The following NRG3 variants were observed in gnomAD, a reference collection of about 807,000 sequenced individuals.
The protein encoded by NRG3 is pro-neuregulin-3, membrane-bound isoform.
A neutral mutation model predicts 66.9 loss-of-function variants in NRG3; 31 were observed. The observed-to-expected ratio is 0.46, with a 90% CI of 0.35 to 0.63. The LOEUF (loss-of-function observed/expected upper bound fraction) is 0.63, where lower values mean the gene tolerates loss of function less well. Ranked by LOEUF, NRG3 falls within the 20% of genes least tolerant of loss-of-function variation. The pLI is 0.00. For missense variants in NRG3, 910 were observed against 878.9 expected (o/e 1.04, Z -0.45); for synonymous variants, 393 against 359.4 (o/e 1.09, Z -1.06).
At chr10:82,953,603 C>G (rs1010917827) in intron 5 of NRG3, among the ~76,000 whole-genome samples, 1 of 151,994 alleles carries the variant, frequency 6.6e-6, no homozygotes, top group Non-Finnish European at 1.5e-5. Context: ...TATATCGTGT[C>G]TCTTAGCCTT....
At chr10:82,003,969 G>A (rs76910228) in intron 1 of NRG3, among the ~76,000 whole-genome samples, 11,833 of 147,244 alleles carry the variant, frequency 0.08, 1,375 homozygotes, top group African/African-American at 0.27. Context: ...CCTGGGTGCT[G>A]TAAGGATACC....
intron 4 of NRG3, among the ~76,000 whole-genome samples, chr10:82,883,503 T>C (rs1842470820): frequency 6.6e-6 from 1 of 152,164 alleles, no homozygotes; most frequent in South Asian, 2.1e-4. Flanking sequence ...TATTCTTGTC[T>C]GTAAGACAGG....
intron 1 of NRG3, among the ~76,000 whole-genome samples, chr10:82,189,065 C>T (rs539523066): frequency 6.6e-6 from 1 of 152,128 alleles, no homozygotes; most frequent in African/African-American, 2.4e-5. Context: ...AATGAAATGG[C>T]TACTTTTGAA....
intron 1 of NRG3, among the ~76,000 whole-genome samples, chr10:82,277,221 A>G (rs1328864858): frequency 5.9e-5 from 9 of 152,082 alleles, no homozygotes; most frequent in Non-Finnish European, 1.5e-5. Context: ...TTTGGATCAT[A>G]AAATAAATGG....
At position 82,776,504 on chromosome 10, in the gene NRG3, C is replaced by T. The variant is rs1368968173; in HGVS notation, c.1027+37854C>T. 5.3e-5 allele frequency among the ~76,000 whole-genome samples: 8 copies of T among 152,088 alleles called. No homozygotes were observed. The East Asian group carries it at 1.5e-3, about 29-fold the overall frequency. ...GGGAAGTCTTTAGCTATTATTTTGT[C>T]AAATAAGCTTTATGTGCCTTTTTCC... On this transcript the variant is annotated intron_variant, in intron 3 of 8. Transcript: ENST00000372141.
At chr10:82,401,302 C>A (rs1589993007) in intron 2 of NRG3, among the ~76,000 whole-genome samples, 1 of 151,926 alleles carries the variant, frequency 6.6e-6, no homozygotes, top group Non-Finnish European at 1.5e-5. Context: ...TATACATACA[C>A]ATGTATATGG....
chr10:82,539,314 C>T (rs1443536554), intron 2 of NRG3, among the ~76,000 whole-genome samples: 3 of 152,178 alleles, frequency 2.0e-5, no homozygotes, highest in Non-Finnish European at 4.4e-5. Flanking sequence ...TTTAACATAG[C>T]ACCGTGGCTT....
intron 2 of NRG3, among the ~76,000 whole-genome samples, chr10:82,394,850 T>C (rs2086618650): frequency 6.6e-6 from 1 of 152,150 alleles, no homozygotes; most frequent in Admixed American, 6.5e-5. Context: ...AGGTGTTACA[T>C]TACAATGGAA....
At chr10:82,658,561 GAA>G (rs11295837) in intron 2 of NRG3, among the ~76,000 whole-genome samples, 1 of 148,266 alleles carries the variant, frequency 6.7e-6, no homozygotes, top group Non-Finnish European at 1.5e-5. Context: ...AAAAAAGCCA[GAA>G]AAAAAAAAGA....
chr10:82,760,491 G>A (rs2059259719), intron 3 of NRG3, among the ~76,000 whole-genome samples: 1 of 152,088 alleles, frequency 6.6e-6, no homozygotes, highest in African/African-American at 2.4e-5. Flanking sequence ...ACATTACTCT[G>A]ATAATTAATA....
chr10:82,111,666 C>A (rs1308196913), intron 1 of NRG3, among the ~76,000 whole-genome samples: 1 of 152,140 alleles, frequency 6.6e-6, no homozygotes, highest in Non-Finnish European at 1.5e-5. Flanking sequence ...CAGCAGCCCA[C>A]ATTTATTCAT....
chr10:82,370,783 G>A (rs1214140640), intron 2 of NRG3, among the ~76,000 whole-genome samples: 2 of 152,076 alleles, frequency 1.3e-5, no homozygotes, highest in African/African-American at 4.8e-5. Context: ...GAAGGGCCAA[G>A]CATTCCTTGT....
At chr10:82,092,585 G>T (rs1055233076) in intron 1 of NRG3, among the ~76,000 whole-genome samples, 1 of 152,094 alleles carries the variant, frequency 6.6e-6, no homozygotes, top group Admixed American at 6.5e-5. Flanking sequence ...AATTAGGTCT[G>T]TTGGGAGATC....
chr10:82,711,919 T>C (rs932552471), intron 2 of NRG3, among the ~76,000 whole-genome samples: 1 of 152,214 alleles, frequency 6.6e-6, no homozygotes, highest in African/African-American at 2.4e-5. Context: ...GACACACACA[T>C]GGAAATTGCA....
chr10:82,531,622 A>C (rs1468027817), intron 2 of NRG3, among the ~76,000 whole-genome samples: 2 of 151,876 alleles, frequency 1.3e-5, no homozygotes, highest in African/African-American at 4.8e-5. Context: ...CCCAGTTTAC[A>C]CATTAAATCA....
intron 2 of NRG3, among the ~76,000 whole-genome samples, chr10:82,605,740 G>T (rs2047928108): frequency 6.6e-6 from 1 of 151,916 alleles, no homozygotes; most frequent in African/African-American, 2.4e-5. Context: ...CATCTGAGCT[G>T]GTTGCTTTCT....
chr10:82,519,015 CT>C (rs2132521391), intron 2 of NRG3, among the ~76,000 whole-genome samples: 1 of 152,280 alleles, frequency 6.6e-6, no homozygotes, highest in African/African-American at 2.4e-5. Context: ...ATGTTCACCC[CT>C]GGCCTGTGCA....
chr10:82,960,970 G>A (rs1850582430), intron 6 of NRG3, among the ~76,000 whole-genome samples: 1 of 152,158 alleles, frequency 6.6e-6, no homozygotes, highest in Non-Finnish European at 1.5e-5. Context: ...CTCACACAAA[G>A]CCTGTTTGGT....
At chr10:82,343,448 T>G (rs1261310370) in intron 1 of NRG3, among the ~76,000 whole-genome samples, 1 of 152,064 alleles carries the variant, frequency 6.6e-6, no homozygotes, top group Non-Finnish European at 1.5e-5. Flanking sequence ...AGAATCAATA[T>G]CATTAAAATG....
Sources: allele counts gnomAD v4.1 joint callset (sites outside exome capture counted in the v4.1 genomes callset), GRCh38; gene constraint gnomAD v4.1.1; transcripts MANE v1.5; gene names NCBI Gene and HGNC (gene_info 2026-07-23, HGNC 2026-07-21).